The following SYMPK variants were observed in gnomAD, a reference collection of about 807,000 sequenced individuals.
The protein encoded by SYMPK is symplekin scaffold protein, also known as symplekin.
Under a neutral mutation model 136.4 loss-of-function variants are expected in SYMPK, and 49 were observed. That is an observed-to-expected ratio of 0.36 (90% CI 0.29 to 0.46). The LOEUF (loss-of-function observed/expected upper bound fraction) is 0.46, where lower values mean the gene tolerates loss of function less well. Among genes scored for constraint, SYMPK ranks in the 20% least tolerant of loss-of-function variants. The probability of loss-of-function intolerance (pLI) is 1.00; values close to 1 mark genes in which losing one functional copy is unlikely to be tolerated. For missense variants in SYMPK, 1,365 were observed against 1,690.0 expected, an observed-to-expected ratio of 0.81 and a Z score of 3.37; for synonymous variants, 766 against 713.0, an observed-to-expected ratio of 1.07 and a Z score of -1.19.
intron 22 of SYMPK, chr19:45,820,983 C>A (rs1600491962): frequency 3.4e-6 from 2 of 591,356 alleles, no homozygotes; most frequent in African/African-American, 1.9e-5. Flanking sequence ...CCTCACCTAC[C>A]CTGGCCCACA....
chr19:45,845,173 C>T (rs1050947614), intron 7 of SYMPK, among the ~76,000 whole-genome samples: 2 of 151,500 alleles, frequency 1.3e-5, no homozygotes, highest in African/African-American at 2.4e-5. Flanking sequence ...AAAGCAGTGG[C>T]GTGATCTCGG....
chr19:45,820,935 C>T (rs1353243797), intron 22 of SYMPK: 12 of 575,168 alleles, frequency 2.1e-5, no homozygotes, highest in Middle Eastern at 4.5e-4. Context: ...GCGGCCAGTT[C>T]GTCACCAACC....
At chr19:45,846,800 C>CT (rs35159561) in intron 7 of SYMPK, among the ~76,000 whole-genome samples, 47,613 of 144,236 alleles carry the variant, frequency 0.33, 7,704 homozygotes, top group Non-Finnish European at 0.36. Flanking sequence ...ATATATAGTA[C>CT]TTTTTTTTTT....
rs770330305 is a variant in SYMPK at position 45,847,864 on chromosome 19, C to T, written c.564G>A (p.Glu188=). 6.2e-7 allele frequency: 1 copy of T among 1,614,036 alleles called. No individual in the cohort carries two copies. Residue 188 remains glutamate, a synonymous_variant, in exon 7 of 27, where the codon GAG becomes GAA. Transcript: ENST00000245934. The stretch of plus-strand genomic sequence containing the variant: ...GGGGTGACAGGGTGACAATGAGGCC[C>T]TCCACAAACTTGATGGCGTGGGTGC... The part of the protein sequence containing the change: ...GIRTHAIKFV[E]GLIVTLSPRM...
chr19:45,860,830 T>G (rs1205102458), intron 1 of SYMPK, among the ~76,000 whole-genome samples: 1 of 152,344 alleles, frequency 6.6e-6, no homozygotes, highest in East Asian at 1.9e-4. Context: ...GAGAAGGGTT[T>G]CGCCATGTTG....
intron 16 of SYMPK, among the ~76,000 whole-genome samples, chr19:45,826,819 G>C (rs1377452944): frequency 1.3e-5 from 2 of 152,238 alleles, no homozygotes; most frequent in Non-Finnish European, 2.9e-5. Flanking sequence ...CAGGGCCAGG[G>C]GTGTGAGATG....
chr19:45,815,907 A>G lies in SYMPK; in HGVS notation c.3631T>C (p.Ser1211Pro). The G allele has an allele frequency of 1.9e-6, 3 of 1,612,328 alleles. No individual in the cohort carries two copies. Among genetic ancestry groups the G allele is most frequent in the Non-Finnish European group, 2.5e-6 (3 of 1,179,886 alleles). ...AACAGCGCGGCCTCGGTCAGCCCCG[A>G]GTCGTCATCCATGCTGATGAAGATG... ...PGIFISMDDD[S>P]GLTEAALLDS... The change falls in exon 26 of 27, where the codon TCG becomes CCG. Residue 1211 changes from serine to proline, a missense_variant. This residue lies in a region of SYMPK where 341 missense variants were observed against 270.5 expected (regional missense o/e 1.26). Transcript: ENST00000245934.
At position 45,845,096 on chromosome 19, in the gene SYMPK, G is replaced by A. The variant is rs571915498; in HGVS notation, c.677-896C>T. On this transcript the variant is annotated intron_variant, in intron 7 of 26. Transcript: ENST00000245934. ...TATTTTTTAGTATAGTTACCCTGCT[G>A]TGCTATCAAATACTGGATCTTTTTT... Among the ~76,000 whole-genome samples, 8 of 151,350 alleles carry A rather than the reference G, an allele frequency of 5.3e-5. No homozygotes were observed. The South Asian group carries it at 1.7e-3, about 32-fold the overall frequency.
In SYMPK at chr19:45,816,008, G is replaced by A. The variant is rs1179755850; in HGVS notation, c.3530C>T (p.Ser1177Leu). 6.9e-6 allele frequency: 11 copies of A among 1,598,810 alleles called. No individual in the cohort carries two copies. The highest frequency in any genetic ancestry group is 9.4e-6 in the Non-Finnish European group (11 of 1,173,164). ...AGACGGGGGCGGGCCTGGCCGGGCC[G>A]ACGGAGAGGGAGAGGGGGAGGAAGA... ...PSSSSPSPSPSARPGPPPSEE... is the reference protein window; with the variant it reads ...PSSSSPSPSPLARPGPPPSEE... Residue 1177 changes from serine (S) to leucine (L), a missense_variant, in exon 26 of 27, where the codon TCG becomes TTG. Ser to Leu is a moderately radical substitution (Grantham distance 145, BLOSUM62 -2). Coordinates refer to ENST00000245934, the MANE Select transcript of SYMPK (RefSeq NM_004819.3).
At chr19:45,841,840 G>C (rs1971446006) in intron 9 of SYMPK, among the ~76,000 whole-genome samples, 2 of 152,174 alleles carry the variant, frequency 1.3e-5, no homozygotes, top group South Asian at 4.2e-4. Context: ...TTCACACCTG[G>C]GGAGTGGTTA....
chr19:45,826,923 C>G (rs528081543), intron 16 of SYMPK, among the ~76,000 whole-genome samples: 3 of 152,214 alleles, frequency 2.0e-5, no homozygotes, highest in African/African-American at 7.2e-5. Flanking sequence ...AACCACAGCA[C>G]GTGCACATCT....
At chr19:45,820,188 A>G (rs1970855338) in intron 22 of SYMPK, 1 of 152,324 alleles carries the variant, frequency 6.6e-6, no homozygotes, top group Admixed American at 6.5e-5. Flanking sequence ...GTGTGTGTGT[A>G]TGTGTGAACC....
intron 23 of SYMPK, chr19:45,817,231 C>A (rs985955394): frequency 4.1e-6 from 2 of 484,906 alleles, no homozygotes; most frequent in African/African-American, 2.0e-5. Flanking sequence ...CTGGGCCAGG[C>A]CCAGGCTAAG....
intron 11 of SYMPK, 46 bp from the exon 12 acceptor site, chr19:45,831,634 TG>T: frequency 6.7e-7 from 1 of 1,494,250 alleles, no homozygotes; most frequent in Non-Finnish European, 9.0e-7. Context: ...CAGACCCACC[TG>T]CTCCAACCCG....
intron 9 of SYMPK, among the ~76,000 whole-genome samples, chr19:45,840,840 CA>C (rs980142004): frequency 7.1e-5 from 10 of 140,116 alleles, no homozygotes; most frequent in Admixed American, 2.1e-4. Flanking sequence ...AAGACTGTCT[CA>C]AAAAAAAAAG....
At chr19:45,825,090 GAGC>G (rs959953675) in intron 18 of SYMPK, 78 bp downstream of exon 18, 24 of 1,533,920 alleles carry the variant, frequency 1.6e-5, no homozygotes, top group Non-Finnish European at 2.0e-5. Flanking sequence ...CTCTGAGGTG[GAGC>G]AGGTTGGGGA....
intron 5 of SYMPK, among the ~76,000 whole-genome samples, chr19:45,849,579 A>T (rs1259296479): frequency 6.6e-6 from 1 of 152,224 alleles, no homozygotes; most frequent in Non-Finnish European, 1.5e-5. Flanking sequence ...CAGGAATAAT[A>T]CGTTTTTGCT....
At chr19:45,860,343 A>C (rs1971933654) in intron 1 of SYMPK, among the ~76,000 whole-genome samples, 1 of 151,982 alleles carries the variant, frequency 6.6e-6, no homozygotes, top group South Asian at 2.1e-4. Context: ...ATGTAATCCT[A>C]GCTACTCGGG....
chr19:45,855,969 CA>C (rs538568424), intron 1 of SYMPK, among the ~76,000 whole-genome samples: 1 of 148,630 alleles, frequency 6.7e-6, no homozygotes, highest in Non-Finnish European at 1.5e-5. Flanking sequence ...GAACTTGACT[CA>C]AAAAAAAGAA....
Sources: allele counts gnomAD v4.1 joint callset (sites outside exome capture counted in the v4.1 genomes callset), GRCh38; gene constraint gnomAD v4.1.1; regional missense constraint gnomAD v4.1.1; transcripts MANE v1.5; gene names NCBI Gene and HGNC (gene_info 2026-07-23, HGNC 2026-07-21).